RGS12: variants seen among roughly 807,000 people sequenced by gnomAD.
RGS12 encodes the protein regulator of G-protein signaling 12.
RGS12 carries 66 observed loss-of-function variants against 120.1 expected under a neutral mutation model. The observed-to-expected ratio is 0.55, with a 90% CI of 0.45 to 0.67. The LOEUF (loss-of-function observed/expected upper bound fraction) is 0.67. Among genes scored for constraint, RGS12 ranks in the 30% least tolerant of loss-of-function variants. The pLI is 0.00. For missense variants in RGS12, 1,859 were observed against 1,957.7 expected (o/e 0.95, Z 0.95); for synonymous variants, 827 against 804.7 (o/e 1.03, Z -0.47).
chr4:3,433,102 C>T lies in RGS12; in HGVS notation c.4114+2147C>T, dbSNP rs1391020513. Among the ~76,000 whole-genome samples, 1 of 152,230 alleles carries T rather than the reference C, an allele frequency of 6.6e-6. No individual in the cohort carries two copies. The highest frequency in any genetic ancestry group is 1.5e-5 in the Non-Finnish European group (1 of 68,036). On this transcript the variant is annotated intron_variant, in intron 17 of 17. Coordinates refer to ENST00000336727, the MANE Select transcript of RGS12 (RefSeq NM_001394154.1). This position sits in a 1 kb window ranked among gnomAD's most constrained non-coding sequence, Gnocchi z 4.4. ...TGAATGCCGTGGTGGCCTGATGGAA[C>T]CTCTTTCACATCTGTGGGCCGGGGC...
At chr4:3,385,108 C>T (rs983284601) in intron 3 of RGS12, 2 of 152,438 alleles carry the variant, frequency 1.3e-5, no homozygotes, top group African/African-American at 2.4e-5. Context: ...CTGGGCCTCA[C>T]TTGTTTGGAC....
chr4:3,425,427 G>A (rs762242560), intron 13 of RGS12, 37 bp from the exon 14 acceptor site: 3 of 1,563,416 alleles, frequency 1.9e-6, no homozygotes, highest in South Asian at 2.2e-5. Flanking sequence ...TGAAGTTCCA[G>A]TCTGGGTAAA....
chr4:3,406,846 G>C (rs1408685576), intron 4 of RGS12, among the ~76,000 whole-genome samples: 1 of 152,230 alleles, frequency 6.6e-6, no homozygotes, highest in East Asian at 1.9e-4. Context: ...AGGTTGTTCA[G>C]AAATGTCTGT....
intron 11 of RGS12, 39 bp from the exon 12 acceptor site, chr4:3,422,859 GGCTGCCT>G (rs763758326): frequency 6.5e-7 from 1 of 1,546,808 alleles, no homozygotes; most frequent in Non-Finnish European, 8.9e-7. Context: ...GCGTTTGGGG[GGCTGCCT>G]GCTGTGCCCA....
rs185074264 is a variant in RGS12, at chr4:3,389,359, G to A, written c.2020+2922G>A. 1.2e-4 allele frequency among the ~76,000 whole-genome samples: 19 copies of A among 152,282 alleles called. No individual in the cohort carries two copies. Among genetic ancestry groups the A allele is most frequent in the Admixed American group, 2.6e-4 (4 of 15,302 alleles). ...GCTGGAGAGAAGGAAGCACATTCTA[G>A]CATTATAGAGAGGCTTAGCAGGGGA... On this transcript the variant is annotated intron_variant, in intron 4 of 17. Transcript: ENST00000336727. This position sits in a 1 kb window ranked among gnomAD's most constrained non-coding sequence, Gnocchi z 5.2.
chr4:3,429,013 C>A (rs1196386000), intron 16 of RGS12, among the ~76,000 whole-genome samples: 1 of 152,252 alleles, frequency 6.6e-6, no homozygotes, highest in Admixed American at 6.5e-5. Flanking sequence ...CCCAGCTCCT[C>A]CCTATGGCCC....
At chr4:3,430,189 T>G (rs1304438354) in intron 16 of RGS12, among the ~76,000 whole-genome samples, 1 of 152,166 alleles carries the variant, frequency 6.6e-6, no homozygotes, top group African/African-American at 2.4e-5. Flanking sequence ...AGTACACAGC[T>G]TTTTCAGACT....
rs746810075 is a variant in RGS12 at position 3,317,536 on chromosome 4, G to A, written c.1366G>A (p.Ala456Thr). 9.3e-6 allele frequency: 15 copies of A among 1,610,636 alleles called. No homozygotes were observed. The highest frequency in any genetic ancestry group is 3.3e-5 in the Admixed American group (2 of 59,998). ...GAGCAGACACGGCCCCGGAGGCAGC[G>A]CGTGGGACGGTGTGGGTGGGAGGGG... The part of the protein sequence containing the change: ...SSSRHGPGGS[A>T]WDGVGGRGAQ... The change falls in exon 2 of 18, where the codon GCG (alanine) becomes ACG (threonine). Residue 456 changes from alanine to threonine, a missense_variant. Physicochemically the swap from Ala to Thr is moderately conservative, Grantham distance 58 (BLOSUM62 0). Transcript: ENST00000336727.
At chr4:3,349,582 C>T (rs1265139665) in intron 3 of RGS12, among the ~76,000 whole-genome samples, 1 of 152,100 alleles carries the variant, frequency 6.6e-6, no homozygotes, top group Non-Finnish European at 1.5e-5. Context: ...TTATTCCTCT[C>T]ATAATTTTTC....
chr4:3,320,787 A>G (rs923641273), intron 2 of RGS12, among the ~76,000 whole-genome samples: 32 of 152,182 alleles, frequency 2.1e-4, no homozygotes, highest in African/African-American at 7.5e-4. Flanking sequence ...GGCGGCCACA[A>G]GATGGGTCCG....
upstream of RGS12, among the ~76,000 whole-genome samples, chr4:3,289,016 C>T (rs914557205): frequency 7.2e-5 from 11 of 152,186 alleles, no homozygotes; most frequent in Non-Finnish European, 5.9e-5. Flanking sequence ...CCTCTGCCAT[C>T]AGGATCCTGT....
chr4:3,351,765 C>T (rs1714380457), intron 3 of RGS12, among the ~76,000 whole-genome samples: 1 of 152,116 alleles, frequency 6.6e-6, no homozygotes, highest in South Asian at 2.1e-4. Context: ...GAACGGACCA[C>T]AGTATAGCTG....
intron 3 of RGS12, chr4:3,378,212 A>C (rs535429432): frequency 2.0e-5 from 3 of 152,316 alleles, no homozygotes; most frequent in East Asian, 3.9e-4. Context: ...CTACCCCTGA[A>C]GTCATATGGA....
At chr4:3,380,706 CA>C (rs1265104856) in intron 3 of RGS12, among the ~76,000 whole-genome samples, 7 of 152,190 alleles carry the variant, frequency 4.6e-5, no homozygotes, top group Middle Eastern at 3.2e-3. Context: ...CCCTTTTATC[CA>C]TGGCTGGAGC....
At chr4:3,379,692 A>C (rs1718068256) in intron 3 of RGS12, among the ~76,000 whole-genome samples, 1 of 152,152 alleles carries the variant, frequency 6.6e-6, no homozygotes, top group African/African-American at 2.4e-5. Context: ...AGGAGAGAGA[A>C]GTGCCAAGCA....
rs916737602 is a variant in RGS12 at position 3,428,127 on chromosome 4, G to C, written c.3369G>C (p.Gln1123His). Residue 1123 changes from glutamine to histidine, a missense_variant, in exon 15 of 18, where the codon CAG becomes CAC. Gln to His is a conservative substitution (Grantham distance 24). Around this residue, in one of 3 missense-constraint regions of RGS12, gnomAD observed 517 missense variants for 488.5 expected, o/e 1.06. Coordinates refer to ENST00000336727, the MANE Select transcript of RGS12 (RefSeq NM_001394154.1). ...AACAGAAAGGTGTGCCAGTGAAACA[G>C]AACACAGCTGTAAATTCCAGCTCCA... ...ADKQKGVPVKQNTAVNSSSRN... is the reference protein window; with the variant it reads ...ADKQKGVPVKHNTAVNSSSRN... The C allele has an allele frequency of 6.2e-7, 1 of 1,613,738 alleles. No homozygotes were observed. Among genetic ancestry groups the C allele is most frequent in the African/African-American group, 1.3e-5 (1 of 75,072 alleles).
Position 3,414,216 on chromosome 4 carries a change from A to G in RGS12, c.2165A>G (p.Asp722Gly). ...WAVSFERLLQ[D>G]PVGVRYFSDF... is the part of the protein sequence containing the mutation. The stretch of plus-strand genomic sequence containing the variant: ...GTGTCCTTTGAGCGCCTGCTGCAGG[A>G]CCCCGTCGGTGTCCGCTACTTCTCT... Residue 722 changes from aspartate (D) to glycine (G), a missense_variant, in exon 5 of 18, where the codon GAC becomes GGC. This residue lies in a region of RGS12 where 967 missense variants were observed against 994.2 expected (regional missense o/e 0.97). Transcript: ENST00000336727. The G allele has an allele frequency of 6.5e-7, 1 of 1,546,006 alleles. No homozygotes were observed. The highest frequency in any genetic ancestry group is 8.7e-7 in the Non-Finnish European group (1 of 1,149,198).
intron 1 of RGS12, among the ~76,000 whole-genome samples, chr4:3,298,085 T>C (rs1462421788): frequency 2.0e-5 from 3 of 152,214 alleles, no homozygotes; most frequent in Non-Finnish European, 4.4e-5. Context: ...AGTTCTTCTG[T>C]GTGTGATCTC....
rs905902834 is a variant in RGS12, at chr4:3,390,752, G to C, written c.2020+4315G>C. On this transcript the variant is annotated intron_variant, in intron 4 of 17. Coordinates refer to ENST00000336727, the MANE Select transcript of RGS12 (RefSeq NM_001394154.1). This position sits in a 1 kb window ranked among gnomAD's most constrained non-coding sequence, Gnocchi z 4.6. ...TCTCCTAGCCTTGTGTCTTCATCTC[G>C]CCGGTCCTTGTTAGCGAACAGGCAC... Among the ~76,000 whole-genome samples, 1 of 152,220 alleles carries C rather than the reference G, an allele frequency of 6.6e-6. No individual in the cohort carries two copies. The highest frequency in any genetic ancestry group is 1.5e-5 in the Non-Finnish European group (1 of 68,040).
Sources: gnomAD v4.1 joint callset for allele counts (sites outside exome capture counted in the v4.1 genomes callset) on GRCh38, gnomAD v4.1.1 for gene constraint, gnomAD v4.1.1 regional missense constraint, Gnocchi (gnomAD v3.1) non-coding constraint, MANE v1.5 for transcripts, NCBI Gene and HGNC (gene_info 2026-07-23, HGNC 2026-07-21) for gene names.